Variants in SPTBN5 observed in about 807,000 individuals in gnomAD.
SPTBN5 encodes the protein spectrin beta chain, non-erythrocytic 5.
In SPTBN5, 513 loss-of-function variants were observed where a neutral mutation model predicts 477.6. The ratio of observed to expected loss-of-function variants is 1.07; its 90% CI spans 1.00 to 1.16. SPTBN5 has a LOEUF of 1.16. Among genes scored for constraint, SPTBN5 ranks in the 50% most tolerant of loss-of-function variants. The probability of loss-of-function intolerance (pLI) is 0.00; values close to 1 mark genes in which losing one functional copy is unlikely to be tolerated. For missense variants in SPTBN5, 5,062 were observed against 4,731.8 expected, an observed-to-expected ratio of 1.07 and a Z score of -2.05; for synonymous variants, 2,169 against 2,011.7, an observed-to-expected ratio of 1.08 and a Z score of -2.09.
chr15:41,875,746 C>T lies in SPTBN5; in HGVS notation c.4123-124G>A, dbSNP rs1595489006. The T allele has an allele frequency of 4.8e-6, 5 of 1,047,112 alleles. No individual in the cohort carries two copies. In the East Asian group the frequency reaches 1.3e-4, roughly 28 times the overall value. The allele number at this position is 1,047,112 out of a possible 1,614,324, so 64.9% of individuals were successfully genotyped here. Reference sequence around the variant, plus strand: ...GACCACAGCTGCACTCCACGGGCTGCCTGGAAGAAAGCAGTTCATGTGGCC... The same window carrying T: ...GACCACAGCTGCACTCCACGGGCTGTCTGGAAGAAAGCAGTTCATGTGGCC... On this transcript the variant is annotated intron_variant, in intron 21 of 67. Transcript: ENST00000320955.
At chr15:41,855,935 G>A (rs1445659230) in intron 53 of SPTBN5, among the ~76,000 whole-genome samples, 190 bp from the exon 54 acceptor site, 1 of 152,218 alleles carries the variant, frequency 6.6e-6, no homozygotes, top group Non-Finnish European at 1.5e-5. Context: ...TTTGTAAAGG[G>A]TCCAGGTGAT....
Position 41,876,815 on chromosome 15 carries a change from G to T in SPTBN5, c.3845C>A (p.Ala1282Glu). The change falls in exon 19 of 68, where the codon GCA becomes GAA. Residue 1282 changes from alanine (A) to glutamate (E), a missense_variant. Ala to Glu is a moderately radical substitution (Grantham distance 107, BLOSUM62 -1). Transcript: ENST00000320955. ...EKLVQSQHPA[A>E]HTVREQLQSI... is the part of the protein sequence containing the mutation. Reference sequence around the variant, plus strand: ...AGACTGAGGCCAGGCTCACGTGTGTGCAGCTGGGTGCTGGCTCTGAACCAG... The same window carrying T: ...AGACTGAGGCCAGGCTCACGTGTGTTCAGCTGGGTGCTGGCTCTGAACCAG... 6.3e-7 allele frequency: 1 copy of T among 1,597,122 alleles called. No homozygotes were observed.
rs201720884 is a variant in SPTBN5 at position 41,873,827 on chromosome 15, C to T, written c.4890+18G>A. ...TGACTTCTGCCTCTTCCCCCAACCC[C>T]ACCTCTCTGCATCCTACCTGCTGGA... On this transcript the variant is annotated intron_variant, in intron 25 of 67. Coordinates refer to ENST00000320955, the MANE Select transcript of SPTBN5 (RefSeq NM_016642.4). 1,167 of 1,608,224 alleles carry T rather than the reference C, an allele frequency of 7.3e-4. 2 individuals carry two copies. The highest frequency in any genetic ancestry group is 9.2e-4 in the Non-Finnish European group (1,085 of 1,179,762).
Position 41,875,001 on chromosome 15 carries a change from C to A in SPTBN5, c.4343G>T (p.Gly1448Val), listed in dbSNP as rs1377563695. 6.2e-7 allele frequency: 1 copy of A among 1,613,528 alleles called. No homozygotes were observed. Among genetic ancestry groups the A allele is most frequent in the African/African-American group, 1.3e-5 (1 of 74,924 alleles). Reference protein sequence around the residue: ...LEGALQSSETGQDLRSSQRLQ... With the variant: ...LEGALQSSETVQDLRSSQRLQ... ...CCTCTGGCTGGAGCGCAGGTCCTGCCCTGTTTCCGAGCTCTGTAGGGCCCC... is the reference window on the plus strand; with the variant it reads ...CCTCTGGCTGGAGCGCAGGTCCTGCACTGTTTCCGAGCTCTGTAGGGCCCC... Residue 1448 changes from glycine to valine, a missense_variant, in exon 23 of 68, where the codon GGG becomes GTG. By Grantham distance (109) the Gly-to-Val change is moderately radical (BLOSUM62 -3). Transcript: ENST00000320955.
Position 41,862,115 on chromosome 15 carries a change from C to A in SPTBN5, c.7548+15G>T. ...CTGAGAGCCTGGGAAAGGCTTGGGC[C>A]AGCTGCCCATTCACCTTGCACTCCT... is the stretch of plus-strand genomic sequence containing the variant. On this transcript the variant is annotated intron_variant, in intron 44 of 67. Coordinates refer to ENST00000320955, the MANE Select transcript of SPTBN5 (RefSeq NM_016642.4). 6.5e-7 allele frequency: 1 copy of A among 1,546,552 alleles called. No individual in the cohort carries two copies. The highest frequency in any genetic ancestry group is 8.8e-7 in the Non-Finnish European group (1 of 1,142,718).
At position 41,868,216 on chromosome 15, in the gene SPTBN5, G is replaced by C; in HGVS notation, c.6060C>G (p.Val2020=). ...LLAAGTPTKE[V]QEELRALQDQ... is the part of the protein sequence containing the mutation. ...CCTGCAGGGCTCGAAGCTCTTCCTG[G>C]ACCTGGGGATGGACACATGAGGAGC... The change falls in exon 34 of 68, where the codon GTC becomes GTG. Residue 2020 remains valine (V), a splice_region_variant and synonymous_variant. Coordinates refer to ENST00000320955, the MANE Select transcript of SPTBN5 (RefSeq NM_016642.4). 2.5e-6 allele frequency: 4 copies of C among 1,581,096 alleles called. No homozygotes were observed. Among genetic ancestry groups the C allele is most frequent in the Non-Finnish European group, 3.4e-6 (4 of 1,163,596 alleles).
Position 41,862,227 on chromosome 15 carries a change from A to C in SPTBN5, c.7451T>G (p.Val2484Gly). ...CTGAGCCCGCAGCCTCTGGGCGCTG[A>C]CCAGCAATTCCTGCAGCATTGCCTG... Reference protein sequence around the residue: ...KLQAMLQELLVSAQRLRAQMD... With the variant: ...KLQAMLQELLGSAQRLRAQMD... The change falls in exon 44 of 68, where the codon GTC becomes GGC. Residue 2484 changes from valine (V) to glycine (G), a missense_variant. Transcript: ENST00000320955. The C allele has an allele frequency of 6.2e-7, 1 of 1,611,854 alleles. No individual in the cohort carries two copies. The highest frequency in any genetic ancestry group is 8.5e-7 in the Non-Finnish European group (1 of 1,179,268).
At position 41,849,955 on chromosome 15, in the gene SPTBN5, CTG is replaced by C; in HGVS notation, c.10924_10925del (p.Gln3642GlufsTer16). 4 of 1,589,366 alleles carry C rather than the reference CTG, an allele frequency of 2.5e-6. No homozygotes were observed. The highest frequency in any genetic ancestry group is 3.4e-6 in the Non-Finnish European group (4 of 1,167,488). ...TGGCTTTGAGTTTTGGGCTCAGACTCTGGGCTGCAGAGCAAGGGAATAACCAC... is the reference window on the plus strand; with the variant it reads ...TGGCTTTGAGTTTTGGGCTCAGACTCGGCTGCAGAGCAAGGGAATAACCAC... ...WWRALGSTAA[Q>X]SLSPKLKAKP... On this transcript the variant is annotated frameshift_variant and splice_region_variant, in exon 67 of 68. Transcript: ENST00000320955. LOFTEE classifies it high-confidence loss of function.
chr15:41,876,024 T>C (rs1181758969), intron 21 of SPTBN5, 90 bp downstream of exon 21: 3 of 1,479,140 alleles, frequency 2.0e-6, no homozygotes, highest in Non-Finnish European at 2.7e-6. Context: ...GATTTTTCCT[T>C]CAAAGACTCT....
Position 41,880,069 on chromosome 15 carries a change from G to A in SPTBN5, c.2811+91C>T, listed in dbSNP as rs1043111285. ...TCTGCTCCCCTCCCCCAGGCAGGAC[G>A]GTAGTTAAATTGGAAAACTGAGTCA... On this transcript the variant is annotated intron_variant, in intron 14 of 67. Transcript: ENST00000320955. 3.4e-5 allele frequency: 50 copies of A among 1,469,730 alleles called. 1 individual carries two copies. The South Asian group carries it at 3.7e-4, about 11-fold the overall frequency. The allele number at this position is 1,469,730 out of a possible 1,614,324, so 91.0% of individuals were successfully genotyped here. A position where few individuals can be genotyped will look rare whatever the true frequency, so the allele number is the denominator to read the frequency against.
At position 41,857,440 on chromosome 15, in the gene SPTBN5, C is replaced by T. The variant is rs202162152; in HGVS notation, c.8419G>A (p.Glu2807Lys). ...ACAGTGGGGGCTCTCAGCTCAACCT[C>T]GATGGGCTCCAGCCAGTTCTCCAGT... is the stretch of plus-strand genomic sequence containing the variant. The part of the protein sequence containing the change: ...EELENWLEPI[E>K]VELRAPTVGQ... The change falls in exon 51 of 68, where the codon GAG becomes AAG. Residue 2807 changes from glutamate (E) to lysine (K), a missense_variant. Transcript: ENST00000320955. The T allele has an allele frequency of 2.5e-4, 409 of 1,606,578 alleles. 1 individual carries two copies. Among genetic ancestry groups the T allele is most frequent in the African/African-American group, 1.0e-3 (77 of 74,938 alleles).
At chr15:41,875,670 C>A in intron 21 of SPTBN5, 48 bp from the exon 22 acceptor site, 2 of 1,524,104 alleles carry the variant, frequency 1.3e-6, no homozygotes, top group East Asian at 2.4e-5. Context: ...CTGCTGGTAC[C>A]ACCAGTGGCC....
In SPTBN5 at chr15:41,855,279, G is replaced by C. The variant is rs1595445747; in HGVS notation, c.9368C>G (p.Thr3123Ser). ...ETLLLDAWLT[T>S]KAATAESQDY... Reference sequence around the variant, plus strand: ...CTGGGACTCGGCGGTGGCCGCCTTGGTGGTCAGCCAGGCGTCGAGGAGCAG... The same window carrying C: ...CTGGGACTCGGCGGTGGCCGCCTTGCTGGTCAGCCAGGCGTCGAGGAGCAG... Residue 3123 changes from threonine to serine, a missense_variant, in exon 55 of 68, where the codon ACC becomes AGC. Physicochemically the swap from Thr to Ser is moderately conservative, Grantham distance 58. Coordinates refer to ENST00000320955, the MANE Select transcript of SPTBN5 (RefSeq NM_016642.4). 6.2e-7 allele frequency: 1 copy of C among 1,612,364 alleles called. No individual in the cohort carries two copies. Among genetic ancestry groups the C allele is most frequent in the South Asian group, 1.1e-5 (1 of 91,034 alleles).
Position 41,860,708 on chromosome 15 carries a change from C to A in SPTBN5, c.7866G>T (p.Glu2622Asp). 6.2e-7 allele frequency: 1 copy of A among 1,600,204 alleles called. No homozygotes were observed. The highest frequency in any genetic ancestry group is 1.7e-5 in the Admixed American group (1 of 58,608). Residue 2622 changes from glutamate to aspartate, a missense_variant, in exon 47 of 68, where the codon GAG (glutamate) becomes GAT (aspartate). Glu to Asp is a conservative substitution (Grantham distance 45). Coordinates refer to ENST00000320955, the MANE Select transcript of SPTBN5 (RefSeq NM_016642.4). ...TTCCCGCCTGCACCTCCAGGTCCCA[C>A]TCCAGCATCTTGTGCTTCCACAGAA... Reference protein sequence around the residue: ...EPLLWKHKMLEWDLEVQAGKI... With the variant: ...EPLLWKHKMLDWDLEVQAGKI...
In SPTBN5 at chr15:41,879,510, G is replaced by T; in HGVS notation, c.2943-11C>A. ...TCCAGCTGCCCCCACCTGGGCAGAG[G>T]GTACAAGGTTGTCTCCACAACAGGG... On this transcript the variant is annotated splice_polypyrimidine_tract_variant and intron_variant, in intron 15 of 67. Transcript: ENST00000320955. 1 of 1,544,722 alleles carries T rather than the reference G, an allele frequency of 6.5e-7. No individual in the cohort carries two copies. Among genetic ancestry groups the T allele is most frequent in the Non-Finnish European group, 8.7e-7 (1 of 1,146,460 alleles).
chr15:41,876,276 C>A lies in SPTBN5; in HGVS notation c.3960G>T (p.Lys1320Asn). ...ACTGCATCAGCTCTGCCACATCCTGCTTCCACTCCTGCCAAGAACCAGGCG... is the reference window on the plus strand; with the variant it reads ...ACTGCATCAGCTCTGCCACATCCTGATTCCACTCCTGCCAAGAACCAGGCG... ...LLASLQLQEW[K>N]QDVAELMQWM... The change falls in exon 21 of 68, where the codon AAG becomes AAT. Residue 1320 changes from lysine to asparagine, a missense_variant. Transcript: ENST00000320955. 1 of 1,565,832 alleles carries A rather than the reference C, an allele frequency of 6.4e-7. No individual in the cohort carries two copies. Among genetic ancestry groups the A allele is most frequent in the Non-Finnish European group, 8.7e-7 (1 of 1,155,256 alleles).
chr15:41,870,670 G>C, intron 29 of SPTBN5, 110 bp from the exon 30 acceptor site: 1 of 861,456 alleles, frequency 1.2e-6, no homozygotes, highest in Non-Finnish European at 1.8e-6. Context: ...ATCGGGACTT[G>C]CCCAAAGCTC....
At position 41,881,964 on chromosome 15, in the gene SPTBN5, G is replaced by A; in HGVS notation, c.2429C>T (p.Ala810Val). The A allele has an allele frequency of 1.3e-6, 2 of 1,527,316 alleles. No individual in the cohort carries two copies. The highest frequency in any genetic ancestry group is 1.7e-6 in the Non-Finnish European group (2 of 1,146,428). 94.6% of individuals were successfully genotyped at this position (1,527,316 alleles called of 1,614,324 possible). Residue 810 changes from alanine (A) to valine (V), a missense_variant, in exon 12 of 68, where the codon GCG (alanine) becomes GTG (valine). By Grantham distance (64) the Ala-to-Val change is moderately conservative (BLOSUM62 0). Coordinates refer to ENST00000320955, the MANE Select transcript of SPTBN5 (RefSeq NM_016642.4). ...ELRRLEEQGRAASARASLFTV... is the reference protein window; with the variant it reads ...ELRRLEEQGRVASARASLFTV... ...GAATAACGACGCCCGGGCCGAGGCC[G>A]CCCGCCCCTGCTCCTCCAGCCGCCG...
intron 25 of SPTBN5, 71 bp from the exon 26 acceptor site, chr15:41,873,679 C>T (rs926983527): frequency 4.8e-6 from 7 of 1,453,550 alleles, no homozygotes; most frequent in Middle Eastern, 1.7e-4. Flanking sequence ...GAGACATCTG[C>T]CCCTGCTCTC....
Sources: allele counts gnomAD v4.1 joint callset (sites outside exome capture counted in the v4.1 genomes callset), GRCh38; gene constraint gnomAD v4.1.1; transcripts MANE v1.5; gene names NCBI Gene and HGNC (gene_info 2026-07-23, HGNC 2026-07-21).